Variants in MARCHF6 observed in about 807,000 individuals in gnomAD.
MARCHF6 encodes the protein membrane associated ring-CH-type finger 6.
MARCHF6 carries 31 observed loss-of-function variants against 133.7 expected under a neutral mutation model. The observed-to-expected ratio is 0.23, with a 90% CI of 0.17 to 0.31. MARCHF6 has a LOEUF of 0.31. MARCHF6 is among the 10% of genes least tolerant of loss of function. The pLI, the probability that MARCHF6 is intolerant of heterozygous loss-of-function variation, is 1.00. For missense variants in MARCHF6, 723 were observed against 1,121.6 expected, an observed-to-expected ratio of 0.64 and a Z score of 5.08; for synonymous variants, 395 against 402.5, an observed-to-expected ratio of 0.98 and a Z score of 0.22.
At chr5:10,369,755 G>T (rs970376190) in intron 1 of MARCHF6, among the ~76,000 whole-genome samples, 1 of 151,956 alleles carries the variant, frequency 6.6e-6, no homozygotes, top group Non-Finnish European at 1.5e-5. Context: ...GTAGTCTTTT[G>T]AGTCTGGTTT....
At chr5:10,400,450 A>G (rs979038932) in intron 10 of MARCHF6, among the ~76,000 whole-genome samples, 1 of 151,824 alleles carries the variant, frequency 6.6e-6, no homozygotes, top group African/African-American at 2.4e-5. Context: ...ATTATTTTGG[A>G]CTTTTCCTTT....
chr5:10,376,381 A>C (rs1303666053), intron 1 of MARCHF6, among the ~76,000 whole-genome samples: 1 of 151,990 alleles, frequency 6.6e-6, no homozygotes, highest in East Asian at 1.9e-4. Context: ...AACCCACCAG[A>C]AGGAAGAAAC....
rs942399362 is a variant in MARCHF6 at position 10,407,074 on chromosome 5, T to G, written c.1453-28T>G. The stretch of plus-strand genomic sequence containing the variant: ...GCACAGGAGTGATTGACTCTTATAG[T>G]GGTGTCATACCCTGTTTCCTTCTGC... On this transcript the variant is annotated intron_variant, in intron 16 of 25. Coordinates refer to ENST00000274140, the MANE Select transcript of MARCHF6 (RefSeq NM_005885.4). 1.2e-5 allele frequency: 15 copies of G among 1,268,204 alleles called. No individual in the cohort carries two copies. The Admixed American group carries it at 1.2e-4, about 10-fold the overall frequency. 78.6% of individuals were successfully genotyped at this position (1,268,204 alleles called of 1,614,324 possible).
intron 15 of MARCHF6, among the ~76,000 whole-genome samples, chr5:10,404,192 C>G (rs1270006273): frequency 1.3e-5 from 2 of 151,886 alleles, no homozygotes; most frequent in Non-Finnish European, 2.9e-5. Flanking sequence ...TTGAACCTCC[C>G]AAGTAGCTGG....
chr5:10,372,122 T>C (rs1303755760), intron 1 of MARCHF6, among the ~76,000 whole-genome samples: 1 of 152,094 alleles, frequency 6.6e-6, no homozygotes, highest in Non-Finnish European at 1.5e-5. Context: ...ATTAATTACT[T>C]AAAATTGATT....
intron 7 of MARCHF6, 81 bp from the exon 8 acceptor site, chr5:10,394,001 A>G: frequency 1.0e-5 from 8 of 767,418 alleles, no homozygotes. Context: ...ACTAAATTTT[A>G]CTATTTTTAG....
rs1197541728 is a variant in MARCHF6 at position 10,439,182 on chromosome 5, A to T, written c.*5498A>T. 6.6e-6 allele frequency: 1 copy of T among 152,214 alleles called. No homozygotes were observed. Among genetic ancestry groups the T allele is most frequent in the Non-Finnish European group, 1.5e-5 (1 of 68,042 alleles). 9.4% of individuals were successfully genotyped at this position (152,214 alleles called of 1,614,324 possible). A position where few individuals can be genotyped will look rare whatever the true frequency, so the allele number is the denominator to read the frequency against. The stretch of plus-strand genomic sequence containing the variant: ...AGAGTCCAGAAATAACCCAACATGT[A>T]TGTGGACAACTGGTTTTTGACAGAG... On this transcript the variant is annotated 3_prime_UTR_variant, in exon 26 of 26. Transcript: ENST00000274140.
intron 4 of MARCHF6, among the ~76,000 whole-genome samples, chr5:10,382,922 G>T (rs1406928486): frequency 6.6e-6 from 1 of 152,092 alleles, no homozygotes; most frequent in Non-Finnish European, 1.5e-5. Flanking sequence ...TCTTTGGGAG[G>T]GTGGTATACT....
At chr5:10,360,293 G>A (rs566275350) in intron 1 of MARCHF6, among the ~76,000 whole-genome samples, 15 of 151,772 alleles carry the variant, frequency 9.9e-5, no homozygotes, top group South Asian at 2.1e-4. Flanking sequence ...GGGATTACAG[G>A]CATGCACCAC....
chr5:10,377,338 A>G (rs1736851112), intron 1 of MARCHF6, among the ~76,000 whole-genome samples: 1 of 152,152 alleles, frequency 6.6e-6, no homozygotes. Flanking sequence ...GTGGGGTGAC[A>G]TGAAAAGCTT....
rs181802380 is a variant in MARCHF6 at position 10,398,106 on chromosome 5, C to T, written c.913+762C>T. The stretch of plus-strand genomic sequence containing the variant: ...TGTCCTATGATTTGTGTCTCAGAGA[C>T]TTCAGGCAACATATCCCTATATAGG... On this transcript the variant is annotated intron_variant, in intron 10 of 25. Transcript: ENST00000274140. Among the ~76,000 whole-genome samples, 3 of 151,894 alleles carry T rather than the reference C, an allele frequency of 2.0e-5. No individual in the cohort carries two copies. The East Asian group carries it at 5.8e-4, about 29-fold the overall frequency.
intron 4 of MARCHF6, among the ~76,000 whole-genome samples, chr5:10,383,162 A>G (rs1330251630): frequency 1.3e-5 from 2 of 152,346 alleles, no homozygotes; most frequent in East Asian, 3.9e-4. Context: ...AACTAGCAGA[A>G]TATAGGTACT....
intron 1 of MARCHF6, among the ~76,000 whole-genome samples, chr5:10,359,592 C>T (rs13167011): frequency 0.83 from 126,540 of 152,116 alleles, 53,834 homozygotes; most frequent in Non-Finnish European, 0.9. Context: ...CCAAAAAATT[C>T]TCCAATATAT....
intron 1 of MARCHF6, among the ~76,000 whole-genome samples, chr5:10,369,623 A>C (rs1736347776): frequency 1.7e-5 from 1 of 59,130 alleles, no homozygotes; most frequent in African/African-American, 6.9e-5. Flanking sequence ...CCCCTTGCAA[A>C]TATCCTTTAC....
At position 10,394,255 on chromosome 5, in the gene MARCHF6, A is replaced by G. The variant is rs763337113; in HGVS notation, c.828+112A>G. On this transcript the variant is annotated intron_variant, in intron 8 of 25. Transcript: ENST00000274140. Reference sequence around the variant, plus strand: ...TTATCGTTACAGTTGATGAAAAGTTACTAGAATTTTCATTCCTAGTGAAAG... The same window carrying G: ...TTATCGTTACAGTTGATGAAAAGTTGCTAGAATTTTCATTCCTAGTGAAAG... 6.4e-4 allele frequency: 353 copies of G among 551,716 alleles called. 1 individual carries two copies. The highest frequency in any genetic ancestry group is 9.5e-4 in the Non-Finnish European group (321 of 338,148). The allele number at this position is 551,716 out of a possible 1,614,324, so 34.2% of individuals were successfully genotyped here.
intron 25 of MARCHF6, among the ~76,000 whole-genome samples, chr5:10,431,990 G>A (rs1740395455): frequency 6.6e-6 from 1 of 152,112 alleles, no homozygotes; most frequent in African/African-American, 2.4e-5. Flanking sequence ...GTAAGGAATG[G>A]CTAACTTCAA....
At chr5:10,403,066 T>C (rs1351329340) in intron 14 of MARCHF6, among the ~76,000 whole-genome samples, 1 of 152,310 alleles carries the variant, frequency 6.6e-6, no homozygotes, top group East Asian at 1.9e-4. Context: ...AAAGCTGCCT[T>C]TGGTTCTGAG....
chr5:10,397,367 T>C (rs770761404), intron 10 of MARCHF6, 23 bp downstream of exon 10: 10 of 1,542,056 alleles, frequency 6.5e-6, no homozygotes, highest in African/African-American at 2.8e-5. Flanking sequence ...TGTGCTTTTT[T>C]TTTTTATAGT....
Position 10,436,849 on chromosome 5 carries a change from C to G in MARCHF6, c.*3165C>G, listed in dbSNP as rs564073946. On this transcript the variant is annotated 3_prime_UTR_variant, in exon 26 of 26. Transcript: ENST00000274140. ...GAGAAACAATGAAGATGGGCCATCT[C>G]AATTCCAGATGTAAACAAAAAGTAA... 2 of 152,334 alleles carry G rather than the reference C, an allele frequency of 1.3e-5. No homozygotes were observed. Among genetic ancestry groups the G allele is most frequent in the East Asian group, 3.9e-4 (2 of 5,194 alleles). The allele number at this position is 152,334 out of a possible 1,614,324, so 9.4% of individuals were successfully genotyped here.
Sources: gnomAD v4.1 joint callset for allele counts (sites outside exome capture counted in the v4.1 genomes callset) on GRCh38, gnomAD v4.1.1 for gene constraint, MANE v1.5 for transcripts, NCBI Gene and HGNC (gene_info 2026-07-23, HGNC 2026-07-21) for gene names.